QDPR: variants seen among roughly 807,000 people sequenced by gnomAD.
QDPR encodes the protein dihydropteridine reductase.
A neutral mutation model predicts 31.7 loss-of-function variants in QDPR; 23 were observed. The observed-to-expected ratio is 0.73, with a 90% CI of 0.52 to 1.03. The LOEUF (loss-of-function observed/expected upper bound fraction) is 1.03, where lower values mean the gene tolerates loss of function less well. QDPR is among the 50% of genes least tolerant of loss of function. The pLI, the probability that QDPR is intolerant of heterozygous loss-of-function variation, is 0.00. For missense variants in QDPR, 324 were observed against 323.8 expected (o/e 1.00, Z 0.00); for synonymous variants, 124 against 124.7 (o/e 0.99, Z 0.03).
intron 1 of QDPR, chr4:17,509,871 C>A (rs1235608151): frequency 4.5e-6 from 2 of 442,480 alleles, no homozygotes; most frequent in Admixed American, 4.9e-5. Flanking sequence ...AAAACACAAA[C>A]CCTGCACTTC....
At chr4:17,501,892 C>T in intron 3 of QDPR, 33 bp from the exon 4 acceptor site, 1 of 1,613,420 alleles carries the variant, frequency 6.2e-7, no homozygotes, top group Non-Finnish European at 8.5e-7. Context: ...CTCAGCATTC[C>T]CAGGAAAGAA....
intron 6 of QDPR, among the ~76,000 whole-genome samples, chr4:17,489,412 A>C (rs1314214609): frequency 6.6e-6 from 1 of 152,236 alleles, no homozygotes; most frequent in Non-Finnish European, 1.5e-5. Context: ...CTTTAAAAAG[A>C]AATTCAAACA....
At chr4:17,502,934 C>T (rs956663486) in intron 3 of QDPR, among the ~76,000 whole-genome samples, 1 of 152,226 alleles carries the variant, frequency 6.6e-6, no homozygotes, top group Non-Finnish European at 1.5e-5. Flanking sequence ...CAGTTGCCAT[C>T]TCAACCAAGC....
intron 4 of QDPR, among the ~76,000 whole-genome samples, chr4:17,493,802 G>A (rs574333851): frequency 1.2e-4 from 18 of 152,278 alleles, no homozygotes; most frequent in Middle Eastern, 3.4e-3. Flanking sequence ...GTCGGTAGGT[G>A]GAGCTGAAAG....
At chr4:17,496,232 G>C (rs182674526) in intron 4 of QDPR, among the ~76,000 whole-genome samples, 1 of 151,688 alleles carries the variant, frequency 6.6e-6, no homozygotes, top group East Asian at 1.9e-4. Context: ...GATCACCTGA[G>C]GTCAGAAGTT....
chr4:17,504,321 C>T (rs1718675931), intron 3 of QDPR, 58 bp downstream of exon 3: 3 of 1,505,562 alleles, frequency 2.0e-6, no homozygotes, highest in Non-Finnish European at 2.8e-6. Context: ...AAACCCAATC[C>T]TTGTCAGCTG....
At chr4:17,500,863 C>T (rs2518615) in intron 4 of QDPR, among the ~76,000 whole-genome samples, 76,671 of 152,088 alleles carry the variant, frequency 0.5, 20,814 homozygotes, top group Middle Eastern at 0.63. Flanking sequence ...TTACTTAACT[C>T]TCCAAGTTTT....
intron 3 of QDPR, among the ~76,000 whole-genome samples, chr4:17,502,926 G>A (rs979611101): frequency 1.3e-5 from 2 of 152,218 alleles, no homozygotes; most frequent in Non-Finnish European, 2.9e-5. Flanking sequence ...AAGTCTGGCA[G>A]TTGCCATCTC....
In QDPR at chr4:17,508,633, TAA is replaced by T. The variant is rs34858847; in HGVS notation, c.198+636_198+637del. 9.9e-3 allele frequency among the ~76,000 whole-genome samples: 1,257 copies of T among 127,064 alleles called. 9 individuals are homozygous for T. Among genetic ancestry groups the T allele is most frequent in the African/African-American group, 0.019 (678 of 35,290 alleles). The allele number at this position is 127,064 out of a possible 152,430, so 83.4% of individuals were successfully genotyped here. ...AGTAATCTGGAGAATTATTTAAGTA[TAA>T]AAAAAAAAAAAAACAAAGCTTACCA... On this transcript the variant is annotated intron_variant, in intron 2 of 6. Coordinates refer to ENST00000281243, the MANE Select transcript of QDPR (RefSeq NM_000320.3).
At chr4:17,489,963 G>A (rs1366615614) in intron 6 of QDPR, 2 of 161,374 alleles carry the variant, frequency 1.2e-5, no homozygotes, top group Non-Finnish European at 2.7e-5. Flanking sequence ...TCCTCACCGT[G>A]ACCCCAGAGC....
rs573229631 is a variant in QDPR at position 17,492,516 on chromosome 4, C to T, written c.437-176G>A. On this transcript the variant is annotated intron_variant, in intron 4 of 6. Coordinates refer to ENST00000281243, the MANE Select transcript of QDPR (RefSeq NM_000320.3). The stretch of plus-strand genomic sequence containing the variant: ...CCCATCAAAAAATGGCAGAGAGCCA[C>T]GAGAAAGAGGGGATGGGAACACGTG... 83 of 636,832 alleles carry T rather than the reference C, an allele frequency of 1.3e-4. 1 individual carries two copies. Among genetic ancestry groups the T allele is most frequent in the South Asian group, 2.7e-4 (15 of 55,512 alleles). The allele number at this position is 636,832 out of a possible 1,614,324, so 39.4% of individuals were successfully genotyped here.
At chr4:17,495,581 C>T (rs551668215) in intron 4 of QDPR, among the ~76,000 whole-genome samples, 7 of 152,282 alleles carry the variant, frequency 4.6e-5, no homozygotes, top group Admixed American at 2.0e-4. Flanking sequence ...TTCCTGAAAA[C>T]GACATGAAAC....
At chr4:17,506,135 T>C (rs1265370977) in intron 2 of QDPR, among the ~76,000 whole-genome samples, 1 of 152,142 alleles carries the variant, frequency 6.6e-6, no homozygotes, top group Non-Finnish European at 1.5e-5. Context: ...TACTTTATTT[T>C]TTGTTTGTTT....
At chr4:17,490,618 G>T in intron 6 of QDPR, 44 bp downstream of exon 6, 1 of 1,497,184 alleles carries the variant, frequency 6.7e-7, no homozygotes, top group South Asian at 1.1e-5. Flanking sequence ...GCAGAGAATA[G>T]GGGCTGGAAG....
Position 17,490,684 on chromosome 4 carries a change from T to C in QDPR, c.607A>G (p.Thr203Ala). 1 of 1,613,906 alleles carries C rather than the reference T, an allele frequency of 6.2e-7. No individual in the cohort carries two copies. Among genetic ancestry groups the C allele is most frequent in the Non-Finnish European group, 8.5e-7 (1 of 1,179,844 alleles). ...CACTCAACTAGGAATTCTAAGGGTG[T>C]CCAGGAGCTGAAGTCAGCCTCAGGC... is the stretch of plus-strand genomic sequence containing the variant. ...SMPEADFSSW[T>A]PLEFLVETFH... The change falls in exon 6 of 7, where the codon ACA becomes GCA. Residue 203 changes from threonine to alanine, a missense_variant. Transcript: ENST00000281243.
At position 17,509,354 on chromosome 4, in the gene QDPR, T is replaced by C. The variant is rs987746060; in HGVS notation, c.115A>G (p.Ser39Gly). 4 of 1,613,678 alleles carry C rather than the reference T, an allele frequency of 2.5e-6. No homozygotes were observed. Among genetic ancestry groups the C allele is most frequent in the Non-Finnish European group, 3.4e-6 (4 of 1,179,702 alleles). Residue 39 changes from serine (S) to glycine (G), a missense_variant, in exon 2 of 7, where the codon AGC (serine) becomes GGC (glycine). Transcript: ENST00000281243. ...AFRARNWWVA[S>G]VDVVENEEAS... ...TCTTCATTCTCCACCACATCAACGCTGGCAACCCACTGGAAGGAGAAAACA... is the reference window on the plus strand; with the variant it reads ...TCTTCATTCTCCACCACATCAACGCCGGCAACCCACTGGAAGGAGAAAACA...
At chr4:17,504,295 G>T in intron 3 of QDPR, 84 bp downstream of exon 3, 4 of 1,160,170 alleles carry the variant, frequency 3.4e-6, no homozygotes, top group Non-Finnish European at 5.2e-6. Context: ...AAAACAGCTG[G>T]CCTGTCACCT....
intron 4 of QDPR, among the ~76,000 whole-genome samples, chr4:17,497,217 T>C (rs1718392663): frequency 6.6e-6 from 1 of 152,190 alleles, no homozygotes; most frequent in African/African-American, 2.4e-5. Context: ...CTATTCATTG[T>C]GTTTCTTTTA....
At chr4:17,502,614 G>GT (rs1718611083) in intron 3 of QDPR, among the ~76,000 whole-genome samples, 1 of 152,176 alleles carries the variant, frequency 6.6e-6, no homozygotes. Context: ...TTATCAAGCT[G>GT]TTTTGCTAAC....
Sources: gnomAD v4.1 joint callset for allele counts (sites outside exome capture counted in the v4.1 genomes callset) on GRCh38, gnomAD v4.1.1 for gene constraint, MANE v1.5 for transcripts, NCBI Gene and HGNC (gene_info 2026-07-23, HGNC 2026-07-21) for gene names.